The following DYNC1I1 variants were observed in gnomAD, a reference collection of about 807,000 sequenced individuals.
DYNC1I1 encodes cytoplasmic dynein 1 intermediate chain 1.
Under a neutral mutation model 86.6 loss-of-function variants are expected in DYNC1I1, and 43 were observed. That is an observed-to-expected ratio of 0.50 (90% CI 0.39 to 0.64). The LOEUF is 0.64. Ranked by LOEUF, DYNC1I1 falls within the 30% of genes least tolerant of loss-of-function variation. The pLI, the probability that DYNC1I1 is intolerant of heterozygous loss-of-function variation, is 0.00. For missense variants in DYNC1I1, 604 were observed against 788.8 expected, an observed-to-expected ratio of 0.77 and a Z score of 2.81; for synonymous variants, 262 against 283.7, an observed-to-expected ratio of 0.92 and a Z score of 0.77.
At chr7:96,038,500 A>G (rs1788938715) in intron 13 of DYNC1I1, among the ~76,000 whole-genome samples, 1 of 152,154 alleles carries the variant, frequency 6.6e-6, no homozygotes, top group African/African-American at 2.4e-5. Context: ...ATTATTTCTC[A>G]AATGTGCTTC....
downstream of DYNC1I1, among the ~76,000 whole-genome samples, chr7:96,100,351 C>T (rs112057054): frequency 3.3e-3 from 503 of 151,252 alleles, no homozygotes; most frequent in Non-Finnish European, 5.0e-3. Flanking sequence ...CCCTTCCTTC[C>T]TTCCTTTCCT....
At chr7:96,103,636 G>A (rs1343226096) in intron 16 of DYNC1I1, among the ~76,000 whole-genome samples, 1 of 148,736 alleles carries the variant, frequency 6.7e-6, no homozygotes, top group Non-Finnish European at 1.5e-5. Flanking sequence ...TTTTTGAGAC[G>A]GAGTCTCGCT....
chr7:95,983,553 T>C (rs1793508443), intron 7 of DYNC1I1, among the ~76,000 whole-genome samples: 1 of 152,094 alleles, frequency 6.6e-6, no homozygotes, highest in African/African-American at 2.4e-5. Flanking sequence ...TTACGAACAT[T>C]GGATCCACTG....
intron 16 of DYNC1I1, among the ~76,000 whole-genome samples, chr7:96,082,687 C>G (rs1357930508): frequency 6.6e-6 from 1 of 152,108 alleles, no homozygotes; most frequent in African/African-American, 2.4e-5. Context: ...TAAGGAAACA[C>G]AATATGACAT....
intron 14 of DYNC1I1, among the ~76,000 whole-genome samples, chr7:96,050,037 AC>A (rs1011692084): frequency 2.7e-5 from 4 of 147,016 alleles, no homozygotes; most frequent in African/African-American, 7.5e-5. Flanking sequence ...AAACAAACAA[AC>A]AAAAAAAAAA....
intron 9 of DYNC1I1, among the ~76,000 whole-genome samples, chr7:95,995,536 C>A (rs368468195): frequency 5.9e-5 from 9 of 152,200 alleles, no homozygotes; most frequent in Non-Finnish European, 1.2e-4. Flanking sequence ...ATTAAAGCCA[C>A]TGGAGTAGAT....
At chr7:96,050,656 C>A (rs924859509) in intron 14 of DYNC1I1, among the ~76,000 whole-genome samples, 1 of 152,104 alleles carries the variant, frequency 6.6e-6, no homozygotes, top group Non-Finnish European at 1.5e-5. Context: ...TGCAGTTTCA[C>A]CCTCTACAGC....
chr7:95,904,653 A>G (rs1791128292), intron 6 of DYNC1I1, among the ~76,000 whole-genome samples: 1 of 152,158 alleles, frequency 6.6e-6, no homozygotes, highest in South Asian at 2.1e-4. Flanking sequence ...ACATATACAC[A>G]TGCACACATA....
At chr7:95,943,328 A>G (rs1030415485) in intron 6 of DYNC1I1, among the ~76,000 whole-genome samples, 2 of 151,652 alleles carry the variant, frequency 1.3e-5, no homozygotes, top group African/African-American at 4.8e-5. Context: ...GACATGAAGG[A>G]CCTCTTCAAG....
chr7:95,831,613 T>C (rs1297878355), intron 5 of DYNC1I1, among the ~76,000 whole-genome samples: 1 of 152,202 alleles, frequency 6.6e-6, no homozygotes, highest in Non-Finnish European at 1.5e-5. Context: ...AATGCCAATT[T>C]ACAATCTTAC....
At chr7:95,838,323 T>A (rs1478152298) in intron 5 of DYNC1I1, among the ~76,000 whole-genome samples, 1 of 152,218 alleles carries the variant, frequency 6.6e-6, no homozygotes, top group African/African-American at 2.4e-5. Context: ...TGTATTCTTG[T>A]CTGTATTATG....
Position 95,980,848 on chromosome 7 carries a change from T to C in DYNC1I1, c.580+3247T>C, listed in dbSNP as rs1793441423. ...ACTGGGAACCTAACATTTTTGTAAA[T>C]ACAAATCAACTCATAAACCTCACAT... On this transcript the variant is annotated intron_variant, in intron 7 of 16. Coordinates refer to ENST00000447467, the MANE Select transcript of DYNC1I1 (RefSeq NM_001135556.2). 2.0e-5 allele frequency among the ~76,000 whole-genome samples: 3 copies of C among 152,104 alleles called. No homozygotes were observed. In the South Asian group the frequency reaches 6.2e-4, roughly 31 times the overall value.
rs149237420 is a variant in DYNC1I1, at chr7:96,054,496, T to C, written c.1509+15075T>C. On this transcript the variant is annotated intron_variant, in intron 14 of 16. Transcript: ENST00000447467. Reference sequence around the variant, plus strand: ...AATGATTTATAATCCTTTGGGTGTATACCCAGTAATGGGATTGCTGGGTCA... The same window carrying C: ...AATGATTTATAATCCTTTGGGTGTACACCCAGTAATGGGATTGCTGGGTCA... 2.7e-3 allele frequency among the ~76,000 whole-genome samples: 409 copies of C among 152,364 alleles called. 2 individuals carry two copies. The highest frequency in any genetic ancestry group is 0.014 in the Middle Eastern group (4 of 294).
intron 6 of DYNC1I1, among the ~76,000 whole-genome samples, chr7:95,959,487 G>A (rs970576608): frequency 6.6e-6 from 1 of 152,186 alleles, no homozygotes; most frequent in African/African-American, 2.4e-5. Context: ...ATTGAATGTG[G>A]TGACTTGACA....
intron 6 of DYNC1I1, among the ~76,000 whole-genome samples, chr7:95,902,802 A>C (rs940245601): frequency 2.0e-5 from 3 of 152,132 alleles, no homozygotes; most frequent in African/African-American, 7.2e-5. Flanking sequence ...CGTGTTCTTT[A>C]TTCAGGCCAT....
intron 16 of DYNC1I1, among the ~76,000 whole-genome samples, chr7:96,106,469 AG>A (rs1791215293): frequency 6.6e-6 from 1 of 152,060 alleles, no homozygotes; most frequent in African/African-American, 2.4e-5. Flanking sequence ...CCAGAGGCGG[AG>A]GTTAAAGTGA....
intron 5 of DYNC1I1, among the ~76,000 whole-genome samples, chr7:95,851,804 A>G (rs1415232778): frequency 6.6e-6 from 1 of 152,136 alleles, no homozygotes; most frequent in Non-Finnish European, 1.5e-5. Flanking sequence ...AGCTGGGTTT[A>G]GAGGCATGTG....
intron 6 of DYNC1I1, among the ~76,000 whole-genome samples, chr7:95,918,541 G>C (rs967443423): frequency 2.0e-5 from 3 of 152,196 alleles, no homozygotes; most frequent in Admixed American, 2.0e-4. Flanking sequence ...GGGTGTGTCT[G>C]TGTGTGCACA....
At chr7:96,006,173 C>T (rs1053610066) in intron 10 of DYNC1I1, among the ~76,000 whole-genome samples, 5 of 152,286 alleles carry the variant, frequency 3.3e-5, no homozygotes, top group South Asian at 2.1e-4. Context: ...TATATCCCCA[C>T]TTAATATGTG....
Sources: allele counts gnomAD v4.1 joint callset (sites outside exome capture counted in the v4.1 genomes callset), GRCh38; gene constraint gnomAD v4.1.1; transcripts MANE v1.5; gene names NCBI Gene and HGNC (gene_info 2026-07-23, HGNC 2026-07-21).